The following PCDHA2 variants were observed in gnomAD, a reference collection of about 807,000 sequenced individuals.
PCDHA2 encodes the protein protocadherin alpha 2.
In PCDHA2, 58 loss-of-function variants were observed where a neutral mutation model predicts 66.0. That is an observed-to-expected ratio of 0.88 (90% CI 0.71 to 1.09). The LOEUF is 1.09. PCDHA2 is among the 50% of genes least tolerant of loss of function. The pLI is 0.00. For missense variants in PCDHA2, 1,267 were observed against 1,242.3 expected (o/e 1.02, Z -0.30); for synonymous variants, 634 against 554.0 (o/e 1.14, Z -2.03).
chr5:140,941,191 T>TTTC (rs1487503403), intron 1 of PCDHA2, among the ~76,000 whole-genome samples: 199 of 93,252 alleles, frequency 2.1e-3, no homozygotes, highest in Middle Eastern at 0.015. Flanking sequence ...GCTTCTTTTT[T>TTTC]TTTCTTTCTT....
At position 140,915,626 on chromosome 5, in the gene PCDHA2, G is replaced by GTCTCTCTCTC. The variant is rs57920489; in HGVS notation, c.2389-63302_2389-63293dup. 2.5e-3 allele frequency among the ~76,000 whole-genome samples: 366 copies of GTCTCTCTCTC among 146,512 alleles called. 2 individuals carry two copies. Among genetic ancestry groups the GTCTCTCTCTC allele is most frequent in the South Asian group, 3.6e-3 (16 of 4,500 alleles). ...ACTTTCTGTCAAACAGTCTCTTTCT[G>GTCTCTCTCTC]TCTCTCTCTCTCTCTCTCTCTCTCT... On this transcript the variant is annotated intron_variant, in intron 1 of 3. Coordinates refer to ENST00000526136, the MANE Select transcript of PCDHA2 (RefSeq NM_018905.3).
In PCDHA2 at chr5:140,919,389, T is replaced by C. The variant is rs1042186256; in HGVS notation, c.2389-59560T>C. 3.9e-5 allele frequency among the ~76,000 whole-genome samples: 6 copies of C among 152,360 alleles called. No homozygotes were observed. The East Asian group carries it at 1.2e-3, about 29-fold the overall frequency. ...CTGCAGACAACACATAGTTGGATGTTGTTTTCCTAAAAACTCTAGACTGAC... is the reference window on the plus strand; with the variant it reads ...CTGCAGACAACACATAGTTGGATGTCGTTTTCCTAAAAACTCTAGACTGAC... On this transcript the variant is annotated intron_variant, in intron 1 of 3. Coordinates refer to ENST00000526136, the MANE Select transcript of PCDHA2 (RefSeq NM_018905.3).
Position 140,851,165 on chromosome 5 carries a change from G to A in PCDHA2, c.2388+53813G>A. Reference sequence around the variant, plus strand: ...GACATTGAATTTCTGATGCTATGCTGCCATAACACTTGAAAACCAATTTAG... The same window carrying A: ...GACATTGAATTTCTGATGCTATGCTACCATAACACTTGAAAACCAATTTAG... On this transcript the variant is annotated intron_variant, in intron 1 of 3. Transcript: ENST00000526136. 5 of 1,284,508 alleles carry A rather than the reference G, an allele frequency of 3.9e-6. 1 individual carries two copies. Among genetic ancestry groups the A allele is most frequent in the Non-Finnish European group, 5.0e-6 (5 of 997,876 alleles). 79.6% of individuals were successfully genotyped at this position (1,284,508 alleles called of 1,614,324 possible).
chr5:140,893,636 G>A (rs2064097174), intron 1 of PCDHA2, among the ~76,000 whole-genome samples: 1 of 152,170 alleles, frequency 6.6e-6, no homozygotes, highest in Non-Finnish European at 1.5e-5. Flanking sequence ...GCTTGGTATA[G>A]TATTTTTGGC....
chr5:140,841,709 C>T, intron 1 of PCDHA2: 1 of 1,613,900 alleles, frequency 6.2e-7, no homozygotes, highest in South Asian at 1.1e-5. Context: ...TAATGACAAC[C>T]CGCCAGTGTT....
At chr5:140,823,308 G>C in intron 1 of PCDHA2, 1 of 1,612,318 alleles carries the variant, frequency 6.2e-7, no homozygotes, top group Non-Finnish European at 8.5e-7. Context: ...CGGTGCACGC[G>C]GAGAGCGGCA....
Position 140,870,311 on chromosome 5 carries a change from A to C in PCDHA2, c.2388+72959A>C, listed in dbSNP as rs143855054. The C allele has an allele frequency of 1.9e-6, 3 of 1,614,154 alleles. No homozygotes were observed. In the African/African-American group the frequency reaches 4.0e-5, roughly 22 times the overall value. On this transcript the variant is annotated intron_variant, in intron 1 of 3. Transcript: ENST00000526136. ...AAGCTGGTGTCCACCTTCAAGAATT[A>C]CTACTCGTTGGTGCTGGACAGCGCC...
Position 140,796,653 on chromosome 5 carries a change from G to A in PCDHA2, c.1689G>A (p.Pro563=). 6 of 1,613,844 alleles carry A rather than the reference G, an allele frequency of 3.7e-6. No homozygotes were observed. Among genetic ancestry groups the A allele is most frequent in the Non-Finnish European group, 4.2e-6 (5 of 1,179,860 alleles). Residue 563 remains proline, a synonymous_variant, in exon 1 of 4, where the codon CCG becomes CCA. Transcript: ENST00000526136. ...TGCTGGACGAGAACGACAACGCGCC[G>A]GCACTGTTGGCGCCTAGGGCTGGCA... ...VFVLDENDNA[P]ALLAPRAGTA... is the part of the protein sequence containing the mutation.
intron 1 of PCDHA2, among the ~76,000 whole-genome samples, chr5:140,923,269 T>C (rs1554201320): frequency 6.6e-6 from 1 of 152,218 alleles, no homozygotes; most frequent in Non-Finnish European, 1.5e-5. Flanking sequence ...TGAGACCTTG[T>C]CTCTACAAAA....
At chr5:140,962,170 C>T (rs1326323755) in intron 1 of PCDHA2, among the ~76,000 whole-genome samples, 6 of 152,194 alleles carry the variant, frequency 3.9e-5, no homozygotes, top group South Asian at 4.1e-4. Context: ...CCACCACACC[C>T]GGCCACTTAT....
intron 3 of PCDHA2, among the ~76,000 whole-genome samples, chr5:141,000,419 ATATTTTT>A (rs1397100244): frequency 3.9e-4 from 24 of 60,984 alleles, no homozygotes; most frequent in African/African-American, 1.8e-3. Flanking sequence ...ATATATATAT[ATATTTTT>A]TTTTTTTTTT....
At chr5:140,915,096 C>T (rs530875134) in intron 1 of PCDHA2, among the ~76,000 whole-genome samples, 1 of 152,060 alleles carries the variant, frequency 6.6e-6, no homozygotes, top group Admixed American at 6.5e-5. Context: ...TGGGCACGCA[C>T]CACCACAACA....
At chr5:140,875,606 T>C in intron 1 of PCDHA2, 4 of 1,613,864 alleles carry the variant, frequency 2.5e-6, no homozygotes, top group Middle Eastern at 3.4e-4. Flanking sequence ...GGCACCTTCG[T>C]GGGCCGCATC....
chr5:140,852,789 C>T, intron 1 of PCDHA2: 1 of 977,530 alleles, frequency 1.0e-6, no homozygotes, highest in Non-Finnish European at 1.2e-6. Context: ...TAGAGGGATG[C>T]TACAGATGTC....
In PCDHA2 at chr5:140,857,546, G is replaced by A. The variant is rs1554150192; in HGVS notation, c.2388+60194G>A. 8 of 1,596,870 alleles carry A rather than the reference G, an allele frequency of 5.0e-6. 2 individuals carry two copies. In the Admixed American group the frequency reaches 8.4e-5, roughly 17 times the overall value. On this transcript the variant is annotated intron_variant, in intron 1 of 3. Coordinates refer to ENST00000526136, the MANE Select transcript of PCDHA2 (RefSeq NM_018905.3). ...CTCTCTGGTGGAGCGGCGGTTGGGC[G>A]AGCGCTCGCTGTCGAGCTACGTGTC...
intron 1 of PCDHA2, among the ~76,000 whole-genome samples, chr5:140,892,821 T>C (rs2063687425): frequency 6.6e-6 from 1 of 152,210 alleles, no homozygotes; most frequent in Non-Finnish European, 1.5e-5. Context: ...TATCCTACAG[T>C]GCTACAGTGC....
intron 1 of PCDHA2, among the ~76,000 whole-genome samples, chr5:140,872,414 C>T (rs138959813): frequency 1.3e-5 from 2 of 152,128 alleles, no homozygotes; most frequent in East Asian, 1.9e-4. Context: ...ATTGCTTGAG[C>T]CCAAGAGTTC....
At chr5:140,938,209 G>A (rs1210350140) in intron 1 of PCDHA2, among the ~76,000 whole-genome samples, 3 of 152,160 alleles carry the variant, frequency 2.0e-5, no homozygotes, top group Admixed American at 6.5e-5. Flanking sequence ...GCCTCCCAAA[G>A]TGCTGGGATT....
chr5:140,982,354 A>G, intron 2 of PCDHA2, 121 bp from the exon 3 acceptor site: 2 of 1,512,522 alleles, frequency 1.3e-6, no homozygotes, highest in East Asian at 2.4e-5. Flanking sequence ...CAGTTCAAGC[A>G]TGAGCAGAAT....
Sources: allele counts gnomAD v4.1 joint callset (sites outside exome capture counted in the v4.1 genomes callset), GRCh38; gene constraint gnomAD v4.1.1; transcripts MANE v1.5; gene names NCBI Gene and HGNC (gene_info 2026-07-23, HGNC 2026-07-21).